MAPK6: variants seen among roughly 807,000 people sequenced by gnomAD.
The protein encoded by MAPK6 is mitogen-activated protein kinase 6.
MAPK6 carries 19 observed loss-of-function variants against 59.3 expected under a neutral mutation model. The observed-to-expected ratio is 0.32, with a 90% CI of 0.22 to 0.47. The LOEUF is 0.47. MAPK6 is among the 20% of genes least tolerant of loss of function. The pLI is 1.00. For missense variants in MAPK6, 724 were observed against 847.9 expected (o/e 0.85, Z 1.81); for synonymous variants, 316 against 290.3 (o/e 1.09, Z -0.90).
At chr15:52,051,032 T>C (rs1190693444) in intron 3 of MAPK6, among the ~76,000 whole-genome samples, 4 of 152,122 alleles carry the variant, frequency 2.6e-5, no homozygotes, top group Non-Finnish European at 5.9e-5. Context: ...TTTTTCTGTC[T>C]TTTGACATAA....
intron 1 of MAPK6, among the ~76,000 whole-genome samples, chr15:51,980,244 G>A (rs1339291951): frequency 1.3e-5 from 2 of 150,058 alleles, no homozygotes; most frequent in South Asian, 2.1e-4. Flanking sequence ...GTGGTGAGCC[G>A]AGACCACTCC....
intron 1 of MAPK6, among the ~76,000 whole-genome samples, chr15:52,032,308 A>G (rs2031069317): frequency 6.9e-6 from 1 of 145,444 alleles, no homozygotes; most frequent in African/African-American, 2.6e-5. Flanking sequence ...CTCCTGCCTC[A>G]GCCTCCCGAA....
In MAPK6 at chr15:52,064,876, A is replaced by C; in HGVS notation, c.2042A>C (p.Gln681Pro). 6.2e-7 allele frequency: 1 copy of C among 1,611,998 alleles called. No individual in the cohort carries two copies. Among genetic ancestry groups the C allele is most frequent in the Non-Finnish European group, 8.5e-7 (1 of 1,179,834 alleles). Reference sequence around the variant, plus strand: ...CAGCTCGAGTCCATAGGCATCCCACAGTTTCACAGTCCAGTTGGGTCACCA... The same window carrying C: ...CAGCTCGAGTCCATAGGCATCCCACCGTTTCACAGTCCAGTTGGGTCACCA... ...NKQLESIGIP[Q>P]FHSPVGSPLK... Residue 681 changes from glutamine (Q) to proline (P), a missense_variant, in exon 6 of 6, where the codon CAG becomes CCG. Transcript: ENST00000261845.
intron 5 of MAPK6, 80 bp downstream of exon 5, chr15:52,061,580 G>C: frequency 9.4e-7 from 1 of 1,060,044 alleles, no homozygotes; most frequent in Non-Finnish European, 1.4e-6. Context: ...TTAAAATTAT[G>C]TATAAGACAT....
rs1029870998 is a variant in MAPK6, at chr15:52,052,666, G to C, written c.700+2529G>C. 3.3e-5 allele frequency among the ~76,000 whole-genome samples: 5 copies of C among 152,128 alleles called. No homozygotes were observed. In the East Asian group the frequency reaches 9.6e-4, roughly 29 times the overall value. On this transcript the variant is annotated intron_variant, in intron 3 of 5. Transcript: ENST00000261845. Reference sequence around the variant, plus strand: ...AGATAACATTTGGACTTTGTGACAGGCTTCTTTCATGTAGCAATATTTTGG... The same window carrying C: ...AGATAACATTTGGACTTTGTGACAGCCTTCTTTCATGTAGCAATATTTTGG...
intron 1 of MAPK6, among the ~76,000 whole-genome samples, chr15:52,036,963 G>C (rs1201312911): frequency 6.6e-6 from 1 of 152,080 alleles, no homozygotes; most frequent in East Asian, 1.9e-4. Flanking sequence ...AAAGAGGAAG[G>C]ATATTCCAAA....
chr15:52,049,907 C>G, intron 2 of MAPK6, 86 bp from the exon 3 acceptor site: 5 of 1,275,540 alleles, frequency 3.9e-6, no homozygotes, highest in Non-Finnish European at 5.6e-6. Flanking sequence ...GCCACCACGC[C>G]TGGCAAATTA....
At chr15:52,034,754 G>A (rs1220838042) in intron 1 of MAPK6, among the ~76,000 whole-genome samples, 1 of 152,138 alleles carries the variant, frequency 6.6e-6, no homozygotes, top group African/African-American at 2.4e-5. Flanking sequence ...CTGGAGTGCA[G>A]TGGTGTGATC....
chr15:52,046,585 G>A lies in MAPK6; in HGVS notation c.125G>A (p.Cys42Tyr). Residue 42 changes from cysteine (C) to tyrosine (Y), a missense_variant, in exon 2 of 6, where the codon TGT becomes TAT. Coordinates refer to ENST00000261845, the MANE Select transcript of MAPK6 (RefSeq NM_002748.4). ...GTTTTTTCTGCTGTAGACAATGACTGTGACAAAAGAGTAGCCATCAAGAAA... is the reference window on the plus strand; with the variant it reads ...GTTTTTTCTGCTGTAGACAATGACTATGACAAAAGAGTAGCCATCAAGAAA... Reference protein sequence around the residue: ...GLVFSAVDNDCDKRVAIKKIV... With the variant: ...GLVFSAVDNDYDKRVAIKKIV... 1.9e-6 allele frequency: 3 copies of A among 1,614,206 alleles called. No homozygotes were observed. Among genetic ancestry groups the A allele is most frequent in the Non-Finnish European group, 1.7e-6 (2 of 1,180,028 alleles).
At chr15:52,012,721 G>A (rs985004766) in intron 3 of MAPK6, among the ~76,000 whole-genome samples, 1 of 151,836 alleles carries the variant, frequency 6.6e-6, no homozygotes, top group African/African-American at 2.4e-5. Context: ...AGGCACGATG[G>A]CTTACACCTG....
chr15:51,983,221 T>A (rs1055008523), exon 2 of MAPK6, among the ~76,000 whole-genome samples: 2 of 152,160 alleles, frequency 1.3e-5, no homozygotes. Flanking sequence ...GCGTGGTGCC[T>A]CATGCCTGTA....
intron 2 of MAPK6, among the ~76,000 whole-genome samples, chr15:51,993,053 G>C (rs895649174): frequency 6.6e-6 from 1 of 152,084 alleles, no homozygotes; most frequent in Non-Finnish European, 1.5e-5. Flanking sequence ...GTCTATGGTT[G>C]GTGGGGGGGT....
rs2030792414 is a variant in MAPK6, at chr15:52,026,727, T to G, written c.-632+7351T>G. 2.6e-5 allele frequency among the ~76,000 whole-genome samples: 4 copies of G among 152,178 alleles called. 1 individual carries two copies. On this transcript the variant is annotated intron_variant, in intron 1 of 5. Transcript: ENST00000261845. Reference sequence around the variant, plus strand: ...AAATGACATTTACAAGACTGTAGTTTGAGATGAGAGAAATAATTTGTCATT... The same window carrying G: ...AAATGACATTTACAAGACTGTAGTTGGAGATGAGAGAAATAATTTGTCATT...
chr15:52,028,971 T>C (rs143853976), intron 1 of MAPK6, among the ~76,000 whole-genome samples: 2 of 152,372 alleles, frequency 1.3e-5, no homozygotes, highest in South Asian at 2.1e-4. Context: ...TTTCGGCCTA[T>C]TCATCTACTT....
intron 1 of MAPK6, among the ~76,000 whole-genome samples, chr15:52,043,862 A>T (rs756269436): frequency 7.4e-6 from 1 of 135,102 alleles, no homozygotes; most frequent in Non-Finnish European, 1.5e-5. Context: ...TGCAACCTCT[A>T]CCTACCTGGT....
At chr15:52,015,839 CTT>C (rs2030221534), upstream of MAPK6, among the ~76,000 whole-genome samples, 1 of 140,086 alleles carries the variant, frequency 7.1e-6, no homozygotes, top group African/African-American at 2.6e-5. Context: ...GGGCAGATCA[CTT>C]GAGGTCAGGA....
intron 1 of MAPK6, among the ~76,000 whole-genome samples, chr15:51,977,168 A>G (rs1193879448): frequency 6.6e-6 from 1 of 151,084 alleles, no homozygotes; most frequent in Non-Finnish European, 1.5e-5. Flanking sequence ...ACGCCCGGCT[A>G]ATTTTTTGTA....
intron 1 of MAPK6, among the ~76,000 whole-genome samples, chr15:52,025,098 T>C (rs1264466831): frequency 6.6e-6 from 1 of 151,884 alleles, no homozygotes; most frequent in Non-Finnish European, 1.5e-5. Context: ...AAAATTAGCC[T>C]GTTGTAGTGG....
chr15:52,062,783 A>G (rs1322977452), intron 5 of MAPK6, among the ~76,000 whole-genome samples: 1 of 151,906 alleles, frequency 6.6e-6, no homozygotes, highest in Admixed American at 6.6e-5. Flanking sequence ...AAATAAATAC[A>G]TTTCTGGGGA....
Sources: gnomAD v4.1 joint callset for allele counts (sites outside exome capture counted in the v4.1 genomes callset) on GRCh38, gnomAD v4.1.1 for gene constraint, MANE v1.5 for transcripts, NCBI Gene and HGNC (gene_info 2026-07-23, HGNC 2026-07-21) for gene names.